Variants in TAF12 observed in about 807,000 individuals in gnomAD.
The protein encoded by TAF12 is transcription initiation factor TFIID subunit 12.
In TAF12, 3 loss-of-function variants were observed where a neutral mutation model predicts 20.8. The observed-to-expected ratio is 0.14, with a 90% CI of 0.07 to 0.37. TAF12 has a LOEUF of 0.37. TAF12 is among the 10% of genes least tolerant of loss of function. The pLI is 1.00. For missense variants in TAF12, 131 were observed against 197.9 expected (o/e 0.66, Z 2.03); for synonymous variants, 69 against 70.2 (o/e 0.98, Z 0.09).
intron 2 of TAF12, among the ~76,000 whole-genome samples, chr1:28,620,443 T>C (rs961167861): frequency 9.3e-5 from 12 of 129,008 alleles, no homozygotes; most frequent in Non-Finnish European, 1.3e-4. Flanking sequence ...AAGAAAATAA[T>C]TTTTTTTTTT....
At chr1:28,633,653 T>C (rs1205585802) in intron 1 of TAF12, among the ~76,000 whole-genome samples, 1 of 151,620 alleles carries the variant, frequency 6.6e-6, no homozygotes, top group Non-Finnish European at 1.5e-5. Flanking sequence ...GGCTCACACC[T>C]GTAATCCCAG....
intron 1 of TAF12, among the ~76,000 whole-genome samples, chr1:28,631,045 CAAAAAAAAAAAA>C (rs903921514): frequency 7.6e-5 from 4 of 52,946 alleles, no homozygotes; most frequent in Admixed American, 1.9e-4. Context: ...ACTCCGTCTC[CAAAAAAAAAAAA>C]AAAAAAAAAG....
At chr1:28,617,275 G>A (rs1667073777) in intron 3 of TAF12, among the ~76,000 whole-genome samples, 1 of 152,118 alleles carries the variant, frequency 6.6e-6, no homozygotes. Flanking sequence ...GGCAAAAGTA[G>A]CAGCAGTTAT....
intron 3 of TAF12, among the ~76,000 whole-genome samples, 186 bp from the exon 4 acceptor site, chr1:28,613,547 T>C (rs879571016): frequency 1.5e-4 from 23 of 152,274 alleles, no homozygotes; most frequent in Admixed American, 1.5e-3. Context: ...CCAGGTTGAG[T>C]GCAACTCACA....
At chr1:28,620,604 G>A (rs1667189411) in intron 2 of TAF12, among the ~76,000 whole-genome samples, 1 of 151,418 alleles carries the variant, frequency 6.6e-6, no homozygotes, top group South Asian at 2.1e-4. Context: ...CCTGGCTAAT[G>A]TTTTTGTATT....
chr1:28,604,335 T>C (rs937705477), intron 5 of TAF12, among the ~76,000 whole-genome samples: 2 of 152,154 alleles, frequency 1.3e-5, no homozygotes, highest in African/African-American at 4.8e-5. Context: ...ATGACCTGCA[T>C]TGAAGGGAAA....
chr1:28,631,085 A>G (rs1667602476), intron 1 of TAF12, among the ~76,000 whole-genome samples: 1 of 151,396 alleles, frequency 6.6e-6, no homozygotes. Flanking sequence ...ATAGATTAGG[A>G]GAAAATATGT....
intron 1 of TAF12, among the ~76,000 whole-genome samples, chr1:28,632,731 GA>G (rs1307710769): frequency 1.3e-5 from 2 of 152,070 alleles, no homozygotes; most frequent in African/African-American, 4.8e-5. Flanking sequence ...GGAGCAGCAT[GA>G]TTAAATCTGT....
At chr1:28,638,292 G>C (rs975900558) in intron 1 of TAF12, among the ~76,000 whole-genome samples, 2 of 151,128 alleles carry the variant, frequency 1.3e-5, no homozygotes, top group African/African-American at 4.9e-5. Context: ...CAGGTTCAAA[G>C]GATTCTCCTG....
At chr1:28,645,958 ACTGT>A (rs1162854645), upstream of TAF12, 6 of 132,876 alleles carry the variant, frequency 4.5e-5, no homozygotes, top group African/African-American at 1.9e-4. Flanking sequence ...ACAGAGTGAG[ACTGT>A]CTGGGAAAAA....
At chr1:28,615,104 C>T (rs892192129) in intron 3 of TAF12, among the ~76,000 whole-genome samples, 10 of 151,610 alleles carry the variant, frequency 6.6e-5, no homozygotes, top group African/African-American at 2.2e-4. Context: ...CACCTTGTCT[C>T]AAAAATAAAT....
chr1:28,637,230 A>G (rs1667861533), intron 1 of TAF12, among the ~76,000 whole-genome samples: 1 of 152,098 alleles, frequency 6.6e-6, no homozygotes, highest in Non-Finnish European at 1.5e-5. Flanking sequence ...TGGCCCAGGC[A>G]AATTCTTTTT....
At chr1:28,633,844 G>A (rs1406417284) in intron 1 of TAF12, among the ~76,000 whole-genome samples, 6 of 151,374 alleles carry the variant, frequency 4.0e-5, no homozygotes, top group Non-Finnish European at 8.8e-5. Context: ...TCCGGGAGGC[G>A]GAGGTTCCGG....
chr1:28,644,129 G>C (rs148218643), upstream of TAF12, among the ~76,000 whole-genome samples: 71 of 152,114 alleles, frequency 4.7e-4, no homozygotes, highest in East Asian at 9.8e-3. Context: ...CCCAATTCCA[G>C]CATCTGTAAG....
At chr1:28,635,827 T>TTA (rs1553130082) in intron 1 of TAF12, among the ~76,000 whole-genome samples, 24 of 150,640 alleles carry the variant, frequency 1.6e-4, no homozygotes, top group Non-Finnish European at 2.7e-4. Flanking sequence ...TTTTTTTTTT[T>TTA]AAAAAAACAA....
chr1:28,634,415 C>CAAAA (rs1159192480), intron 1 of TAF12, among the ~76,000 whole-genome samples: 5 of 41,520 alleles, frequency 1.2e-4, no homozygotes, highest in East Asian at 1.3e-3. Flanking sequence ...GACTCCATCT[C>CAAAA]AAAAAAAAAA....
At chr1:28,619,672 C>T (rs540138044) in intron 2 of TAF12, among the ~76,000 whole-genome samples, 115 of 136,506 alleles carry the variant, frequency 8.4e-4, no homozygotes, top group Non-Finnish European at 1.6e-3. Context: ...AAAAAAAAGC[C>T]GGGTACGGTG....
chr1:28,625,465 G>A (rs1315055986), intron 1 of TAF12, among the ~76,000 whole-genome samples: 1 of 152,058 alleles, frequency 6.6e-6, no homozygotes, highest in Non-Finnish European at 1.5e-5. Flanking sequence ...CAAACTCGTG[G>A]ACTCAAGCAA....
At chr1:28,635,111 T>G (rs2124377326) in intron 1 of TAF12, among the ~76,000 whole-genome samples, 1 of 145,098 alleles carries the variant, frequency 6.9e-6, no homozygotes, top group Non-Finnish European at 1.5e-5. Flanking sequence ...GTGCCTGTAG[T>G]CCCAGCTACT....
Sources: gnomAD v4.1 joint callset for allele counts (sites outside exome capture counted in the v4.1 genomes callset) on GRCh38, gnomAD v4.1.1 for gene constraint, MANE v1.5 for transcripts, NCBI Gene and HGNC (gene_info 2026-07-23, HGNC 2026-07-21) for gene names.